The following PCMT1 variants were observed in gnomAD, a reference collection of about 807,000 sequenced individuals.
PCMT1 encodes protein-L-isoaspartate(D-aspartate) O-methyltransferase.
Under a neutral mutation model 29.2 loss-of-function variants are expected in PCMT1, and 9 were observed. The observed-to-expected ratio is 0.31, with a 90% CI of 0.19 to 0.54. The LOEUF is 0.54. Among genes scored for constraint, PCMT1 ranks in the 20% least tolerant of loss-of-function variants. The probability of loss-of-function intolerance (pLI) is 0.95; values close to 1 mark genes in which losing one functional copy is unlikely to be tolerated. For missense variants in PCMT1, 184 were observed against 282.2 expected, an observed-to-expected ratio of 0.65 and a Z score of 2.49; for synonymous variants, 98 against 97.5, an observed-to-expected ratio of 1.00 and a Z score of -0.03.
At chr6:149,800,944 C>T (rs1775808085) in intron 6 of PCMT1, among the ~76,000 whole-genome samples, 2 of 152,196 alleles carry the variant, frequency 1.3e-5, no homozygotes, top group Non-Finnish European at 2.9e-5. Context: ...ACATTTTGAG[C>T]ACTACAGTTG....
rs1786914207 is a variant in PCMT1 at position 149,763,178 on chromosome 6, A to C, written c.56-7984A>C. Among the ~76,000 whole-genome samples the C allele has an allele frequency of 3.6e-5, 3 of 82,722 alleles. 1 individual carries two copies. Among genetic ancestry groups the C allele is most frequent in the Non-Finnish European group, 5.6e-5 (3 of 53,426 alleles). 54.3% of individuals were successfully genotyped at this position (82,722 alleles called of 152,430 possible). A position where few individuals can be genotyped will look rare whatever the true frequency, so the allele number is the denominator to read the frequency against. On this transcript the variant is annotated intron_variant, in intron 1 of 7. Coordinates refer to ENST00000464889, the MANE Select transcript of PCMT1 (RefSeq NM_001360452.2). ...TATATATCTATGATATCTATGATAT[A>C]TATCTATGATATCTATGATATATAT...
chr6:149,758,192 T>TTTTTTCTTTC (rs142697234), intron 1 of PCMT1, among the ~76,000 whole-genome samples: 18 of 101,736 alleles, frequency 1.8e-4, no homozygotes, highest in East Asian at 6.0e-4. Flanking sequence ...CCAATTTTTT[T>TTTTTTCTTTC]TTTCTTTCTT....
Position 149,810,764 on chromosome 6 carries a change from T to C in PCMT1, c.*186T>C. ...TTATTTTCAGCATGAAAATGTGTGTTTTTTTAGGGTTTCTGATTCTTCAAA... is the reference window on the plus strand; with the variant it reads ...TTATTTTCAGCATGAAAATGTGTGTCTTTTTAGGGTTTCTGATTCTTCAAA... On this transcript the variant is annotated 3_prime_UTR_variant, in exon 8 of 8. Coordinates refer to ENST00000464889, the MANE Select transcript of PCMT1 (RefSeq NM_001360452.2). 1.6e-6 allele frequency: 1 copy of C among 630,002 alleles called. No individual in the cohort carries two copies. Among genetic ancestry groups the C allele is most frequent in the East Asian group, 3.1e-5 (1 of 32,622 alleles). 39.0% of individuals were successfully genotyped at this position (630,002 alleles called of 1,614,324 possible).
rs1786852673 is a variant in PCMT1, at chr6:149,762,793, CCTATGATATATATAT to C, written c.56-8360_56-8346del. 1.5e-4 allele frequency among the ~76,000 whole-genome samples: 6 copies of C among 39,686 alleles called. 1 individual carries two copies. In the South Asian group the frequency reaches 4.7e-3, roughly 31 times the overall value. 26.0% of individuals were successfully genotyped at this position (39,686 alleles called of 152,430 possible). ...TATATATATACCTATGATATATATA[CCTATGATATATATAT>C]CTATGATAATCTATGATATATATGA... On this transcript the variant is annotated intron_variant, in intron 1 of 7. Coordinates refer to ENST00000464889, the MANE Select transcript of PCMT1 (RefSeq NM_001360452.2).
chr6:149,769,308 C>CTTTTTGTTTTTTTTTTTTTT (rs1787214853), intron 1 of PCMT1, among the ~76,000 whole-genome samples: 1 of 71,562 alleles, frequency 1.4e-5, no homozygotes, highest in African/African-American at 8.6e-5. Flanking sequence ...GTGCAGGATT[C>CTTTTTGTTTTTTTTTTTTTT]TTTTTTTTTT....
chr6:149,785,355 CTTTTTTT>C (rs11310169), intron 3 of PCMT1, among the ~76,000 whole-genome samples: 1 of 73,236 alleles, frequency 1.4e-5, no homozygotes, highest in Non-Finnish European at 2.4e-5. Flanking sequence ...TGGCTGTTTT[CTTTTTTT>C]TTTTTTTTTT....
chr6:149,803,652 A>G lies in PCMT1; in HGVS notation c.*37+1236A>G, dbSNP rs534757861. ...TTCCTTGTCTTAGCATCTTATTTTT[A>G]TTTGACATAAAGATTCTTATTTTAA... On this transcript the variant is annotated intron_variant, in intron 7 of 7. Transcript: ENST00000464889. Among the ~76,000 whole-genome samples the G allele has an allele frequency of 5.9e-5, 9 of 152,248 alleles. 1 individual carries two copies. The South Asian group carries it at 1.9e-3, about 32-fold the overall frequency.
At chr6:149,774,953 C>T (rs190526463) in intron 3 of PCMT1, among the ~76,000 whole-genome samples, 12 of 151,988 alleles carry the variant, frequency 7.9e-5, no homozygotes, top group African/African-American at 1.2e-4. Flanking sequence ...GTGATCCGCC[C>T]GCCTCGGCCT....
intron 6 of PCMT1, among the ~76,000 whole-genome samples, chr6:149,799,443 G>T (rs1195206737): frequency 1.3e-5 from 2 of 152,154 alleles, no homozygotes; most frequent in African/African-American, 4.8e-5. Context: ...ATTCTGAGTT[G>T]AAAATTATTT....
At chr6:149,789,914 G>A in intron 3 of PCMT1, 40 bp from the exon 4 acceptor site, 1 of 1,344,632 alleles carries the variant, frequency 7.4e-7, no homozygotes, top group Admixed American at 2.1e-5. Flanking sequence ...CATGATGTGT[G>A]TACTTTAGTC....
At chr6:149,772,603 T>C (rs1413122221) in intron 2 of PCMT1, 1 of 456,100 alleles carries the variant, frequency 2.2e-6, no homozygotes, top group East Asian at 7.0e-5. Flanking sequence ...TTAGAGGGAC[T>C]GTTTTACTAG....
intron 1 of PCMT1, among the ~76,000 whole-genome samples, chr6:149,751,616 G>A (rs1328951193): frequency 1.3e-5 from 2 of 151,576 alleles, no homozygotes; most frequent in Non-Finnish European, 2.9e-5. Context: ...TGAGTGGCTG[G>A]GACTACAGGC....
At chr6:149,764,144 T>C (rs923132035) in intron 1 of PCMT1, among the ~76,000 whole-genome samples, 4 of 152,202 alleles carry the variant, frequency 2.6e-5, no homozygotes, top group African/African-American at 9.7e-5. Flanking sequence ...TCAAGAATTA[T>C]TTTGGGAAAT....
At chr6:149,791,622 T>A (rs1788376391) in intron 4 of PCMT1, among the ~76,000 whole-genome samples, 1 of 152,234 alleles carries the variant, frequency 6.6e-6, no homozygotes, top group Non-Finnish European at 1.5e-5. Context: ...AAATTTTGTC[T>A]GCTCTTTTTT....
At chr6:149,773,478 A>G (rs553405327) in intron 3 of PCMT1, among the ~76,000 whole-genome samples, 3 of 152,324 alleles carry the variant, frequency 2.0e-5, no homozygotes, top group African/African-American at 4.8e-5. Flanking sequence ...TTCCGGGTTC[A>G]TGCCATTCTC....
At chr6:149,805,027 A>C (rs2115346402) in intron 7 of PCMT1, among the ~76,000 whole-genome samples, 1 of 152,188 alleles carries the variant, frequency 6.6e-6, no homozygotes, top group East Asian at 1.9e-4. Context: ...GGATCACTTG[A>C]GGCCAGAAGT....
In PCMT1 at chr6:149,783,199, C is replaced by G. The variant is rs139784418; in HGVS notation, c.193-6755C>G. On this transcript the variant is annotated intron_variant, in intron 3 of 7. Coordinates refer to ENST00000464889, the MANE Select transcript of PCMT1 (RefSeq NM_001360452.2). ...CCCAGGCTGGATGCAGTGGCGTGATCTTGGCTCACTGCAACCTCCGCCTTC... is the reference window on the plus strand; with the variant it reads ...CCCAGGCTGGATGCAGTGGCGTGATGTTGGCTCACTGCAACCTCCGCCTTC... 2.5e-4 allele frequency among the ~76,000 whole-genome samples: 38 copies of G among 152,092 alleles called. No homozygotes were observed. The East Asian group carries it at 7.2e-3, about 29-fold the overall frequency.
intron 7 of PCMT1, among the ~76,000 whole-genome samples, chr6:149,805,324 T>C (rs866922685): frequency 7.9e-5 from 12 of 152,258 alleles, no homozygotes; most frequent in Admixed American, 7.2e-4. Context: ...CTGGGCGCAG[T>C]GGCTCACGCC....
At chr6:149,775,882 A>G (rs12525871) in intron 3 of PCMT1, among the ~76,000 whole-genome samples, 80,711 of 151,986 alleles carry the variant, frequency 0.53, 24,514 homozygotes, top group East Asian at 0.83. Context: ...CATCGTGGCC[A>G]GGCGTGGTGG....
Sources: gnomAD v4.1 joint callset for allele counts (sites outside exome capture counted in the v4.1 genomes callset) on GRCh38, gnomAD v4.1.1 for gene constraint, MANE v1.5 for transcripts, NCBI Gene and HGNC (gene_info 2026-07-23, HGNC 2026-07-21) for gene names.